The following KCNB2 variants were observed in gnomAD, a reference collection of about 807,000 sequenced individuals.
KCNB2 encodes delayed rectifier potassium channel protein.
In KCNB2, 15 loss-of-function variants were observed where a neutral mutation model predicts 61.5. The ratio of observed to expected loss-of-function variants is 0.24; its 90% CI spans 0.16 to 0.38. KCNB2 has a LOEUF of 0.38. Ranked by LOEUF, KCNB2 falls within the 10% of genes least tolerant of loss-of-function variation. The pLI, the probability that KCNB2 is intolerant of heterozygous loss-of-function variation, is 1.00. For synonymous variants in KCNB2, 457 were observed against 446.0 expected, an observed-to-expected ratio of 1.02 and a Z score of -0.31; for missense variants, 828 against 1,125.2, an observed-to-expected ratio of 0.74 and a Z score of 3.78.
In KCNB2 at chr8:72,764,912, A is replaced by T. The variant is rs1384647357; in HGVS notation, c.580-171023A>T. ...CAAATTCACAAGGAGAAATTCCCTG[A>T]CAGGAGATGACAGGAGTACCCCCGC... On this transcript the variant is annotated intron_variant, in intron 2 of 2. Coordinates refer to ENST00000523207, the MANE Select transcript of KCNB2 (RefSeq NM_004770.3). 2.0e-5 allele frequency among the ~76,000 whole-genome samples: 3 copies of T among 152,194 alleles called. No individual in the cohort carries two copies. In the East Asian group the frequency reaches 5.8e-4, roughly 29 times the overall value.
At position 72,545,262 on chromosome 8, in the gene KCNB2, A is replaced by C. The variant is rs375411611; in HGVS notation, c.-94+7377A>C. The stretch of plus-strand genomic sequence containing the variant: ...GGCAAGTTATCAGCCTCCAATATAC[A>C]GGCATACCTCATTTTTATGGTGCTT... On this transcript the variant is annotated intron_variant, in intron 1 of 2. Transcript: ENST00000523207. 1.5e-4 allele frequency among the ~76,000 whole-genome samples: 23 copies of C among 152,168 alleles called. No individual in the cohort carries two copies. In the East Asian group the frequency reaches 1.7e-3, roughly 11 times the overall value.
At chr8:72,666,184 A>T (rs1436999203) in intron 2 of KCNB2, among the ~76,000 whole-genome samples, 11 of 152,240 alleles carry the variant, frequency 7.2e-5, no homozygotes, top group Non-Finnish European at 1.5e-4. Flanking sequence ...AAAAATAATA[A>T]CAATGCAATT....
intron 2 of KCNB2, among the ~76,000 whole-genome samples, chr8:72,630,492 G>T (rs1476397885): frequency 6.6e-6 from 1 of 152,174 alleles, no homozygotes; most frequent in Admixed American, 6.5e-5. Context: ...TGAAACCACA[G>T]ATGAGAGGGG....
At chr8:72,810,897 G>A (rs1809296899) in intron 2 of KCNB2, among the ~76,000 whole-genome samples, 1 of 152,164 alleles carries the variant, frequency 6.6e-6, no homozygotes, top group Non-Finnish European at 1.5e-5. Context: ...AGTCAGAAGG[G>A]CAGGGCATCT....
intron 2 of KCNB2, among the ~76,000 whole-genome samples, chr8:72,730,428 G>A (rs1807721873): frequency 6.6e-6 from 1 of 152,134 alleles, no homozygotes; most frequent in South Asian, 2.1e-4. Flanking sequence ...AAATAACAGT[G>A]TATCATGCTT....
chr8:72,666,996 T>C (rs559427577), intron 2 of KCNB2, among the ~76,000 whole-genome samples: 357 of 130,870 alleles, frequency 2.7e-3, no homozygotes, highest in Non-Finnish European at 4.3e-3. Context: ...TGTGTGTGTG[T>C]GTGTGTGTGT....
intron 2 of KCNB2, among the ~76,000 whole-genome samples, chr8:72,620,722 C>G (rs921471790): frequency 3.9e-5 from 6 of 152,158 alleles, no homozygotes; most frequent in African/African-American, 1.4e-4. Flanking sequence ...GATTCTCCTG[C>G]CTCAGCCTCC....
chr8:72,887,052 A>G (rs1219346592), intron 2 of KCNB2, among the ~76,000 whole-genome samples: 2 of 152,202 alleles, frequency 1.3e-5, no homozygotes, highest in Non-Finnish European at 2.9e-5. Flanking sequence ...GTTGATCTGT[A>G]TTAGTGAAAG....
intron 2 of KCNB2, chr8:72,661,181 A>T (rs961793761): frequency 3.9e-5 from 6 of 152,102 alleles, no homozygotes; most frequent in African/African-American, 1.4e-4. Flanking sequence ...ACACCCAGCT[A>T]ATTTTTGTAT....
rs528896426 is a variant in KCNB2 at position 72,540,541 on chromosome 8, A to G, written c.-94+2656A>G. Among the ~76,000 whole-genome samples the G allele has an allele frequency of 2.6e-5, 4 of 152,156 alleles. No individual in the cohort carries two copies. The South Asian group carries it at 8.3e-4, about 32-fold the overall frequency. ...TTTGTTTTTTTTAAGGCTAGAGATT[A>G]TGGCCTTGTTACTCCCCAAGTGATA... On this transcript the variant is annotated intron_variant, in intron 1 of 2. Transcript: ENST00000523207.
At chr8:72,679,322 G>A (rs13251896) in intron 2 of KCNB2, among the ~76,000 whole-genome samples, 61,142 of 152,106 alleles carry the variant, frequency 0.4, 14,735 homozygotes, top group Non-Finnish European at 0.56. Flanking sequence ...CATAAGGCAA[G>A]TATCAACTTT....
At chr8:72,628,400 GGT>G (rs1160601490) in intron 2 of KCNB2, among the ~76,000 whole-genome samples, 700 of 47,366 alleles carry the variant, frequency 0.015, no homozygotes, top group East Asian at 0.041. Flanking sequence ...CCTGTTAGGG[GGT>G]GTGTGTGTGT....
chr8:72,833,206 T>C (rs990503226), intron 2 of KCNB2, among the ~76,000 whole-genome samples: 21 of 152,040 alleles, frequency 1.4e-4, no homozygotes, highest in Admixed American at 1.2e-3. Flanking sequence ...AAGTAATGAG[T>C]ATGTTACAAT....
In KCNB2 at chr8:72,621,244, C is replaced by T. The variant is rs142768123; in HGVS notation, c.579+52931C>T. Reference sequence around the variant, plus strand: ...TGACTCAATCCCAACGTGTCAGTAACGACCTCCCATACATACCAAGAAGCT... The same window carrying T: ...TGACTCAATCCCAACGTGTCAGTAATGACCTCCCATACATACCAAGAAGCT... On this transcript the variant is annotated intron_variant, in intron 2 of 2. Coordinates refer to ENST00000523207, the MANE Select transcript of KCNB2 (RefSeq NM_004770.3). 6.8e-4 allele frequency among the ~76,000 whole-genome samples: 103 copies of T among 152,246 alleles called. 1 individual carries two copies. The highest frequency in any genetic ancestry group is 2.0e-3 in the African/African-American group (82 of 41,556).
In KCNB2 at chr8:72,550,533, G is replaced by A. The variant is rs576091105; in HGVS notation, c.-94+12648G>A. Among the ~76,000 whole-genome samples, 10 of 152,324 alleles carry A rather than the reference G, an allele frequency of 6.6e-5. No individual in the cohort carries two copies. The South Asian group carries it at 1.9e-3, about 28-fold the overall frequency. ...TTTGGGTTGTGGAGTATTTTGAAAG[G>A]GATGGGGAGTAGCAGCATGCAGGCT... On this transcript the variant is annotated intron_variant, in intron 1 of 2. Transcript: ENST00000523207.
chr8:72,644,876 G>A (rs1412607382), intron 2 of KCNB2, among the ~76,000 whole-genome samples: 1 of 152,130 alleles, frequency 6.6e-6, no homozygotes, highest in East Asian at 1.9e-4. Context: ...CGAAATGAAA[G>A]TGAGGACTCA....
intron 2 of KCNB2, among the ~76,000 whole-genome samples, chr8:72,730,307 T>C (rs955384532): frequency 1.3e-5 from 2 of 152,216 alleles, no homozygotes; most frequent in African/African-American, 4.8e-5. Context: ...CCATTCCAAA[T>C]ACATTTCAAT....
intron 2 of KCNB2, among the ~76,000 whole-genome samples, chr8:72,769,426 T>A (rs554707545): frequency 6.6e-6 from 1 of 152,096 alleles, no homozygotes; most frequent in African/African-American, 2.4e-5. Flanking sequence ...ACAAAAAAAA[T>A]TGCACTATAG....
intron 2 of KCNB2, among the ~76,000 whole-genome samples, chr8:72,738,320 C>T (rs747727366): frequency 6.8e-5 from 9 of 131,460 alleles, no homozygotes; most frequent in South Asian, 2.4e-4. Flanking sequence ...AAGTTTGTGC[C>T]GACCTTTAAC....
Sources: allele counts gnomAD v4.1 joint callset (sites outside exome capture counted in the v4.1 genomes callset), GRCh38; gene constraint gnomAD v4.1.1; transcripts MANE v1.5; gene names NCBI Gene and HGNC (gene_info 2026-07-23, HGNC 2026-07-21).